Variants in ZDHHC11 observed in about 807,000 individuals in gnomAD.
The protein encoded by ZDHHC11 is palmitoyltransferase ZDHHC11.
In ZDHHC11, 44 loss-of-function variants were observed where a neutral mutation model predicts 51.3. The ratio of observed to expected loss-of-function variants is 0.86; its 90% CI spans 0.67 to 1.10. The LOEUF (loss-of-function observed/expected upper bound fraction) is 1.10. Among genes scored for constraint, ZDHHC11 ranks in the 50% least tolerant of loss-of-function variants. ZDHHC11 has a pLI of 0.00. For synonymous variants in ZDHHC11, 163 were observed against 222.0 expected (o/e 0.73, Z 2.36); for missense variants, 400 against 537.7 (o/e 0.74, Z 2.53).
intron 8 of ZDHHC11, among the ~76,000 whole-genome samples, chr5:822,411 G>C (rs614698): frequency 6.6e-6 from 1 of 151,482 alleles, no homozygotes; most frequent in Non-Finnish European, 1.5e-5. Context: ...ATTTCTTGTT[G>C]CAACACCCCA....
chr5:808,000 G>A (rs1163046738), intron 11 of ZDHHC11, among the ~76,000 whole-genome samples: 7 of 150,968 alleles, frequency 4.6e-5, no homozygotes, highest in Non-Finnish European at 7.4e-5. Flanking sequence ...GTCTGGGGGT[G>A]CAGGCCAGTC....
In ZDHHC11 at chr5:828,438, G is replaced by A. The variant is rs551171572; in HGVS notation, c.936-3187C>T. On this transcript the variant is annotated intron_variant, in intron 7 of 12. Coordinates refer to ENST00000283441, the MANE Select transcript of ZDHHC11 (RefSeq NM_024786.3). ...CCCCCACCTCCCTCCTGGACGGGGC[G>A]GCCGGCCGGGTGGGGGCTGACCCCC... 5.7e-3 allele frequency among the ~76,000 whole-genome samples: 857 copies of A among 150,516 alleles called. 34 individuals are homozygous for A. Among genetic ancestry groups the A allele is most frequent in the African/African-American group, 8.8e-3 (358 of 40,892 alleles).
chr5:827,719 G>A (rs1030985388), intron 7 of ZDHHC11, among the ~76,000 whole-genome samples: 7 of 150,468 alleles, frequency 4.7e-5, no homozygotes, highest in Non-Finnish European at 8.9e-5. Context: ...TGAGGGACCT[G>A]CCAAATTTAT....
chr5:837,777 C>T (rs1461838922), intron 5 of ZDHHC11, among the ~76,000 whole-genome samples: 1 of 151,920 alleles, frequency 6.6e-6, no homozygotes, highest in Non-Finnish European at 1.5e-5. Context: ...TTAGTGGTGT[C>T]AGAGATGAGC....
At chr5:834,354 GTATTT>G (rs1404735310) in intron 6 of ZDHHC11, among the ~76,000 whole-genome samples, 1 of 152,178 alleles carries the variant, frequency 6.6e-6, no homozygotes, top group East Asian at 1.9e-4. Context: ...ATGTATGTAT[GTATTT>G]TTATTTATTT....
chr5:804,237 C>A (rs1738913238), intron 11 of ZDHHC11, among the ~76,000 whole-genome samples: 1 of 150,642 alleles, frequency 6.6e-6, no homozygotes, highest in African/African-American at 2.4e-5. Context: ...AAATATCATT[C>A]TGCCCTGCTC....
chr5:800,446 AT>A (rs1292605129), intron 12 of ZDHHC11, among the ~76,000 whole-genome samples: 1 of 150,594 alleles, frequency 6.6e-6, no homozygotes, highest in Non-Finnish European at 1.5e-5. Flanking sequence ...TTAAGGTACA[AT>A]CATGTCTCAT....
At chr5:818,292 C>T (rs866420848) in intron 10 of ZDHHC11, among the ~76,000 whole-genome samples, 1 of 151,562 alleles carries the variant, frequency 6.6e-6, no homozygotes, top group African/African-American at 2.4e-5. Context: ...AGTGAGGGAA[C>T]GTTGGTGGGT....
chr5:824,481 A>T (rs1303245811), intron 8 of ZDHHC11, among the ~76,000 whole-genome samples: 1 of 151,398 alleles, frequency 6.6e-6, no homozygotes. Context: ...ATAATGACCC[A>T]GCAGAAACCA....
intron 11 of ZDHHC11, among the ~76,000 whole-genome samples, chr5:804,120 C>G (rs575578810): frequency 1.1e-4 from 16 of 151,414 alleles, no homozygotes; most frequent in African/African-American, 3.9e-4. Flanking sequence ...GTTTTCTGCA[C>G]TTTCAGTTAC....
chr5:810,439 AC>A (rs1739938304), intron 11 of ZDHHC11, among the ~76,000 whole-genome samples: 1 of 151,514 alleles, frequency 6.6e-6, no homozygotes, highest in Non-Finnish European at 1.5e-5. Context: ...TCTAATATCC[AC>A]CACTAGAGAC....
chr5:857,067 C>T (rs966447556), intron 1 of ZDHHC11, among the ~76,000 whole-genome samples: 1 of 152,058 alleles, frequency 6.6e-6, no homozygotes, highest in Non-Finnish European at 1.5e-5. Context: ...CCACACACAC[C>T]ACACAATGCA....
intron 7 of ZDHHC11, among the ~76,000 whole-genome samples, chr5:829,784 A>G (rs533519976): frequency 1.3e-5 from 2 of 151,674 alleles, no homozygotes; most frequent in South Asian, 4.2e-4. Flanking sequence ...CAAAAAGATA[A>G]TAACACCATG....
chr5:801,240 A>C lies in ZDHHC11; in HGVS notation c.1182-76T>G, dbSNP rs1366160059. The C allele has an allele frequency of 5.7e-6, 9 of 1,575,702 alleles. No individual in the cohort carries two copies. The East Asian group carries it at 2.0e-4, about 35-fold the overall frequency. ...CTTGTTATAATGCCAAAGTGCACAA[A>C]ATGTGTAAACAAGAGTACATTTTAG... On this transcript the variant is annotated intron_variant, in intron 11 of 12. Coordinates refer to ENST00000283441, the MANE Select transcript of ZDHHC11 (RefSeq NM_024786.3).
At chr5:821,978 G>C in intron 8 of ZDHHC11, 83 bp from the exon 9 acceptor site, 1 of 1,263,238 alleles carries the variant, frequency 7.9e-7, no homozygotes. Context: ...TTTCTAGTCA[G>C]TTCTGACAGT....
rs150431403 is a variant in ZDHHC11 at position 858,376 on chromosome 5, T to TC, written c.-1+497dup. On this transcript the variant is annotated intron_variant, in intron 1 of 3. Transcript: ENST00000685990. ...CCATCCTGTCTTTATGACACCGTGG[T>TC]CCCCCAAGTCTGTCCAGGTCCCCGT... is the stretch of plus-strand genomic sequence containing the variant. Among the ~76,000 whole-genome samples the TC allele has an allele frequency of 4.6e-3, 530 of 116,438 alleles. 6 individuals are homozygous for TC. The highest frequency in any genetic ancestry group is 0.017 in the African/African-American group (492 of 28,310). 76.4% of individuals were successfully genotyped at this position (116,438 alleles called of 152,430 possible).
intron 11 of ZDHHC11, among the ~76,000 whole-genome samples, chr5:809,368 C>T (rs1463032895): frequency 1.4e-5 from 2 of 141,926 alleles, no homozygotes; most frequent in African/African-American, 2.8e-5. Flanking sequence ...AAGTCCTAAC[C>T]CCAGCGTTGT....
At chr5:844,927 T>C (rs1681740197) in intron 3 of ZDHHC11, among the ~76,000 whole-genome samples, 1 of 152,304 alleles carries the variant, frequency 6.6e-6, no homozygotes, top group Admixed American at 6.5e-5. Flanking sequence ...CTTCCCTTGG[T>C]CTTTCTGCCA....
intron 10 of ZDHHC11, chr5:816,734 C>T (rs3890125): frequency 0.17 from 87,561 of 519,714 alleles, 12,737 homozygotes; most frequent in African/African-American, 0.52. Flanking sequence ...AAGGAGAAGA[C>T]CATCTTTCTC....
Sources: gnomAD v4.1 joint callset for allele counts (sites outside exome capture counted in the v4.1 genomes callset) on GRCh38, gnomAD v4.1.1 for gene constraint, MANE v1.5 for transcripts, NCBI Gene and HGNC (gene_info 2026-07-23, HGNC 2026-07-21) for gene names.